SLC24A3: variants seen among roughly 807,000 people sequenced by gnomAD.
SLC24A3 encodes the protein solute carrier family 24 member 3, also known as sodium/potassium/calcium exchanger 3.
Under a neutral mutation model 75.8 loss-of-function variants are expected in SLC24A3, and 28 were observed. The observed-to-expected ratio is 0.37, with a 90% confidence interval of 0.27 to 0.51. The LOEUF (loss-of-function observed/expected upper bound fraction) is 0.51. Among genes scored for constraint, SLC24A3 ranks in the 20% least tolerant of loss-of-function variants. The pLI, the probability that SLC24A3 is intolerant of heterozygous loss-of-function variation, is 0.94. For missense variants in SLC24A3, 663 were observed against 847.8 expected (o/e 0.78, Z 2.71); for synonymous variants, 372 against 334.1 (o/e 1.11, Z -1.24).
intron 15 of SLC24A3, 119 bp from the exon 16 acceptor site, chr20:19,717,409 A>G: frequency 1.1e-6 from 1 of 907,276 alleles, no homozygotes; most frequent in Non-Finnish European, 1.7e-6. Context: ...TTTTCATTCT[A>G]GAGGGGAGAT....
chr20:19,215,649 T>C (rs1600378044), intron 1 of SLC24A3, among the ~76,000 whole-genome samples: 1 of 152,098 alleles, frequency 6.6e-6, no homozygotes, highest in South Asian at 2.1e-4. Context: ...TTCCTTTCTC[T>C]CTTCTTTCCT....
chr20:19,255,781 A>G (rs999336952), intron 1 of SLC24A3, among the ~76,000 whole-genome samples: 12 of 152,310 alleles, frequency 7.9e-5, no homozygotes, highest in African/African-American at 2.6e-4. Flanking sequence ...TTAGTACAAA[A>G]AAGAATGAAA....
At chr20:19,248,960 G>C (rs772888943) in intron 1 of SLC24A3, among the ~76,000 whole-genome samples, 5 of 150,994 alleles carry the variant, frequency 3.3e-5, no homozygotes, top group Non-Finnish European at 5.9e-5. Context: ...GCAGGGAACA[G>C]AATAATGGTT....
chr20:19,547,622 T>A (rs956107504), intron 3 of SLC24A3, among the ~76,000 whole-genome samples: 5 of 152,224 alleles, frequency 3.3e-5, no homozygotes, highest in African/African-American at 4.8e-5. Flanking sequence ...CTGTCATATT[T>A]CCCTCTCTCC....
At chr20:19,535,792 C>T (rs2030385200) in intron 3 of SLC24A3, among the ~76,000 whole-genome samples, 1 of 152,054 alleles carries the variant, frequency 6.6e-6, no homozygotes, top group South Asian at 2.1e-4. Flanking sequence ...TTTTGTGATG[C>T]TATAACATAA....
intron 2 of SLC24A3, among the ~76,000 whole-genome samples, chr20:19,328,922 G>T (rs1984931437): frequency 6.6e-6 from 1 of 152,252 alleles, no homozygotes; most frequent in African/African-American, 2.4e-5. Context: ...GGAGCCAGCA[G>T]AGGAGGCTCG....
chr20:19,520,941 T>C (rs2030087559), intron 3 of SLC24A3, among the ~76,000 whole-genome samples: 1 of 152,190 alleles, frequency 6.6e-6, no homozygotes, highest in Non-Finnish European at 1.5e-5. Context: ...CTGATTAGCA[T>C]TGGAGGGCAG....
intron 2 of SLC24A3, among the ~76,000 whole-genome samples, chr20:19,367,267 G>A (rs1264976908): frequency 6.6e-6 from 1 of 152,216 alleles, no homozygotes; most frequent in Admixed American, 6.5e-5. Context: ...AAATTCCTCT[G>A]GATAGTGGTC....
At chr20:19,369,341 C>T (rs1473148351) in intron 2 of SLC24A3, among the ~76,000 whole-genome samples, 2 of 152,234 alleles carry the variant, frequency 1.3e-5, no homozygotes, top group East Asian at 3.9e-4. Context: ...CAAACCCAAA[C>T]TGAGGGGCAT....
At chr20:19,711,465 T>C (rs571683504) in intron 15 of SLC24A3, among the ~76,000 whole-genome samples, 1 of 148,518 alleles carries the variant, frequency 6.7e-6, no homozygotes, top group South Asian at 2.2e-4. Flanking sequence ...CACACACACA[T>C]GCACAAATGC....
intron 2 of SLC24A3, among the ~76,000 whole-genome samples, chr20:19,457,326 C>T (rs999932170): frequency 6.6e-6 from 1 of 152,144 alleles, no homozygotes; most frequent in African/African-American, 2.4e-5. Context: ...TGAGCTGTAA[C>T]TTTAAAATGA....
rs752432073 is a variant in SLC24A3 at position 19,212,857 on chromosome 20, C to T, written c.15C>T (p.Gly5=). MRPS[G]DEDRARRRRR... Reference sequence around the variant, plus strand: ...GCCGCCCGAGGATGCGGCCGTCCGGCGACGAGGACCGCGCGCGTCGCCGCC... The same window carrying T: ...GCCGCCCGAGGATGCGGCCGTCCGGTGACGAGGACCGCGCGCGTCGCCGCC... Residue 5 remains glycine (G), a synonymous_variant, in exon 1 of 17, where the codon GGC becomes GGT. Coordinates refer to ENST00000328041, the MANE Select transcript of SLC24A3 (RefSeq NM_020689.4). The T allele has an allele frequency of 3.5e-6, 4 of 1,154,116 alleles. No homozygotes were observed. The African/African-American group carries it at 4.9e-5, about 14-fold the overall frequency. 71.5% of individuals were successfully genotyped at this position (1,154,116 alleles called of 1,614,324 possible). A position where few individuals can be genotyped will look rare whatever the true frequency, so the allele number is the denominator to read the frequency against.
chr20:19,570,571 C>CTGGGATACATAAAGTGATATAGTAACA (rs2031036506), intron 3 of SLC24A3, among the ~76,000 whole-genome samples: 2 of 152,128 alleles, frequency 1.3e-5, no homozygotes, highest in Admixed American at 6.5e-5. Context: ...TCTGGTGACT[C>CTGGGATACATAAAGTGATATAGTAACA]TGGGATACAT....
At chr20:19,468,392 C>T (rs966747637) in intron 2 of SLC24A3, among the ~76,000 whole-genome samples, 36 of 151,982 alleles carry the variant, frequency 2.4e-4, no homozygotes, top group African/African-American at 8.2e-4. Flanking sequence ...GCCTCAGAAT[C>T]CGAGTTCACC....
At chr20:19,616,640 C>T (rs1568674027) in intron 6 of SLC24A3, among the ~76,000 whole-genome samples, 2 of 152,082 alleles carry the variant, frequency 1.3e-5, no homozygotes, top group African/African-American at 4.8e-5. Flanking sequence ...TCAAAATCAC[C>T]CCCAAGAAAA....
intron 2 of SLC24A3, among the ~76,000 whole-genome samples, chr20:19,397,647 CT>C (rs3057518): frequency 0.067 from 7,817 of 116,964 alleles, 128 homozygotes; most frequent in African/African-American, 0.092. Flanking sequence ...TTTTTCTTTT[CT>C]TTTTTTTTTT....
chr20:19,330,981 A>G (rs977844861), intron 2 of SLC24A3, among the ~76,000 whole-genome samples: 3 of 152,206 alleles, frequency 2.0e-5, no homozygotes, highest in Admixed American at 6.5e-5. Flanking sequence ...GGAACATTCT[A>G]TTGAAGCAAG....
intron 15 of SLC24A3, 130 bp downstream of exon 15, chr20:19,698,810 A>C: frequency 2.8e-6 from 2 of 714,252 alleles, no homozygotes; most frequent in South Asian, 3.6e-5. Context: ...GGGGAAACAA[A>C]TTCTCCTTGT....
Position 19,585,621 on chromosome 20 carries a change from T to C in SLC24A3, c.612+77T>C, listed in dbSNP as rs552181325. The C allele has an allele frequency of 2.2e-5, 31 of 1,400,606 alleles. 1 individual carries two copies. The South Asian group carries it at 2.8e-4, about 13-fold the overall frequency. The allele number at this position is 1,400,606 out of a possible 1,614,324, so 86.8% of individuals were successfully genotyped here. A position where few individuals can be genotyped will look rare whatever the true frequency, so the allele number is the denominator to read the frequency against. ...GAGGCATGGAGTTTAGGCAGGAGAC[T>C]GTCTTGCTGGAACACAACTTGCATT... On this transcript the variant is annotated intron_variant, in intron 6 of 16. Coordinates refer to ENST00000328041, the MANE Select transcript of SLC24A3 (RefSeq NM_020689.4).
Sources: gnomAD v4.1 joint callset for allele counts (sites outside exome capture counted in the v4.1 genomes callset) on GRCh38, gnomAD v4.1.1 for gene constraint, MANE v1.5 for transcripts, NCBI Gene and HGNC (gene_info 2026-07-23, HGNC 2026-07-21) for gene names.